SLIT3: variants seen among roughly 807,000 people sequenced by gnomAD.
SLIT3 encodes the protein slit homolog 3 protein.
A neutral mutation model predicts 184.0 loss-of-function variants in SLIT3; 68 were observed. The ratio of observed to expected loss-of-function variants is 0.37; its 90% CI spans 0.30 to 0.45. The LOEUF is 0.45. Ranked by LOEUF, SLIT3 falls within the 20% of genes least tolerant of loss-of-function variation. SLIT3 has a pLI of 1.00. For synonymous variants in SLIT3, 831 were observed against 828.6 expected (o/e 1.00, Z -0.05); for missense variants, 1,707 against 2,026.0 (o/e 0.84, Z 3.02).
intron 4 of SLIT3, among the ~76,000 whole-genome samples, chr5:168,949,157 A>G (rs1762572064): frequency 6.6e-6 from 1 of 152,128 alleles, no homozygotes; most frequent in African/African-American, 2.4e-5. Context: ...TGTGGGGTGA[A>G]CGGAGTTTCA....
intron 4 of SLIT3, among the ~76,000 whole-genome samples, chr5:168,945,739 C>T (rs1762454921): frequency 6.6e-6 from 1 of 152,220 alleles, no homozygotes; most frequent in South Asian, 2.1e-4. Flanking sequence ...GTGTTTCCTC[C>T]TCCCAACACG....
At chr5:168,794,392 G>A (rs1011295716) in intron 10 of SLIT3, among the ~76,000 whole-genome samples, 1 of 152,146 alleles carries the variant, frequency 6.6e-6, no homozygotes, top group Non-Finnish European at 1.5e-5. Flanking sequence ...GAATCCTACT[G>A]TCCTCCCTGC....
At chr5:168,761,909 TAAAAAA>T (rs773306404) in intron 15 of SLIT3, among the ~76,000 whole-genome samples, 1 of 127,758 alleles carries the variant, frequency 7.8e-6, no homozygotes, top group Non-Finnish European at 1.6e-5. Context: ...GCCCAGCTAA[TAAAAAA>T]AAAAAATTTT....
chr5:169,149,206 A>G (rs930430547), intron 4 of SLIT3, among the ~76,000 whole-genome samples: 1 of 152,234 alleles, frequency 6.6e-6, no homozygotes, highest in Admixed American at 6.5e-5. Flanking sequence ...AGAGGAAATG[A>G]CGCTAACAGA....
chr5:168,856,822 C>CGCGCGCGCGCGCG (rs1561970793), intron 5 of SLIT3, among the ~76,000 whole-genome samples: 1 of 150,350 alleles, frequency 6.7e-6, no homozygotes, highest in African/African-American at 2.5e-5. Context: ...CGCGCGCACG[C>CGCGCGCGCGCGCG]CTTTGTTCAG....
At chr5:169,250,614 T>C (rs1765740232) in intron 2 of SLIT3, among the ~76,000 whole-genome samples, 1 of 152,214 alleles carries the variant, frequency 6.6e-6, no homozygotes, top group East Asian at 1.9e-4. Context: ...TCACTTCTAG[T>C]AACAATTTGC....
chr5:169,232,169 C>T (rs1581083368), intron 3 of SLIT3, among the ~76,000 whole-genome samples: 1 of 152,312 alleles, frequency 6.6e-6, no homozygotes, highest in South Asian at 2.1e-4. Flanking sequence ...CATCTTTTCT[C>T]TTTAGCGTCT....
intron 4 of SLIT3, among the ~76,000 whole-genome samples, chr5:169,169,177 G>A (rs1355159106): frequency 1.3e-5 from 2 of 152,180 alleles, no homozygotes; most frequent in Non-Finnish European, 2.9e-5. Context: ...CAGCACCTAG[G>A]GAATGTGCTC....
In SLIT3 at chr5:169,265,849, G is replaced by A. The variant is rs182079370; in HGVS notation, c.198-14390C>T. On this transcript the variant is annotated intron_variant, in intron 1 of 35. Coordinates refer to ENST00000519560, the MANE Select transcript of SLIT3 (RefSeq NM_003062.4). ...AGATGATGATGTTGGCAGGACCTCCGTGCTTCTAACACAAAGGTGCACCTG... is the reference window on the plus strand; with the variant it reads ...AGATGATGATGTTGGCAGGACCTCCATGCTTCTAACACAAAGGTGCACCTG... 3.0e-3 allele frequency among the ~76,000 whole-genome samples: 450 copies of A among 152,262 alleles called. 2 individuals are homozygous for A. The highest frequency in any genetic ancestry group is 3.7e-3 in the Non-Finnish European group (255 of 68,020).
At chr5:169,014,020 C>T (rs1481820883) in intron 4 of SLIT3, among the ~76,000 whole-genome samples, 1 of 152,072 alleles carries the variant, frequency 6.6e-6, no homozygotes, top group African/African-American at 2.4e-5. Context: ...TCATAAAATG[C>T]CTCGCAAAAA....
At chr5:168,668,887 G>A (rs193171331) in intron 35 of SLIT3, among the ~76,000 whole-genome samples, 38 of 152,294 alleles carry the variant, frequency 2.5e-4, no homozygotes, top group Admixed American at 2.0e-3. Context: ...CTCTTGCCTC[G>A]CCTCCAGCAT....
intron 14 of SLIT3, among the ~76,000 whole-genome samples, chr5:168,770,627 T>C (rs138207865): frequency 6.6e-6 from 1 of 150,774 alleles, no homozygotes; most frequent in Non-Finnish European, 1.5e-5. Flanking sequence ...ACATCTCTAC[T>C]TTTTAGGAAT....
intron 5 of SLIT3, among the ~76,000 whole-genome samples, chr5:168,849,066 T>A (rs1318154019): frequency 6.6e-6 from 1 of 151,946 alleles, no homozygotes; most frequent in Non-Finnish European, 1.5e-5. Context: ...AGAAAAAGAA[T>A]TTTTTTTAAA....
intron 4 of SLIT3, among the ~76,000 whole-genome samples, chr5:168,942,851 G>A (rs1581231864): frequency 6.6e-6 from 1 of 151,590 alleles, no homozygotes; most frequent in Non-Finnish European, 1.5e-5. Flanking sequence ...GCTGCTTGGC[G>A]ATTTGTTTTG....
intron 4 of SLIT3, chr5:169,024,042 G>A (rs1262559551): frequency 6.6e-6 from 1 of 152,058 alleles, no homozygotes; most frequent in Admixed American, 6.6e-5. Flanking sequence ...ACATAGCTTC[G>A]AGGTAGGCAT....
At chr5:168,855,759 GTTTCC>G (rs1327043466) in intron 5 of SLIT3, among the ~76,000 whole-genome samples, 1 of 152,156 alleles carries the variant, frequency 6.6e-6, no homozygotes, top group Non-Finnish European at 1.5e-5. Context: ...TGGGTACAGA[GTTTCC>G]TTTGGGGGTG....
intron 4 of SLIT3, among the ~76,000 whole-genome samples, chr5:168,922,456 C>CAAAAAA (rs34132541): frequency 3.7e-5 from 3 of 82,178 alleles, no homozygotes; most frequent in East Asian, 3.6e-4. Flanking sequence ...GACTCTGTCT[C>CAAAAAA]AAAAAAAAAA....
chr5:168,892,807 C>G (rs532804231), intron 4 of SLIT3, among the ~76,000 whole-genome samples: 10 of 152,330 alleles, frequency 6.6e-5, no homozygotes, highest in African/African-American at 2.4e-4. Flanking sequence ...TCATCTCCAG[C>G]AAATGGGACA....
chr5:169,019,014 T>C (rs1272517068), intron 4 of SLIT3, among the ~76,000 whole-genome samples: 1 of 152,160 alleles, frequency 6.6e-6, no homozygotes, highest in Non-Finnish European at 1.5e-5. Flanking sequence ...CCAGGCCAAT[T>C]TGCCTCCCCC....
Sources: gnomAD v4.1 joint callset for allele counts (sites outside exome capture counted in the v4.1 genomes callset) on GRCh38, gnomAD v4.1.1 for gene constraint, MANE v1.5 for transcripts, NCBI Gene and HGNC (gene_info 2026-07-23, HGNC 2026-07-21) for gene names.